The following GDA variants were observed in gnomAD, a reference collection of about 807,000 sequenced individuals.
The protein encoded by GDA is guanine deaminase.
Under a neutral mutation model 59.6 loss-of-function variants are expected in GDA, and 18 were observed. That is an observed-to-expected ratio of 0.30 (90% confidence interval 0.21 to 0.45). The LOEUF is 0.45. Ranked by LOEUF, GDA falls within the 20% of genes least tolerant of loss-of-function variation. GDA has a pLI of 1.00. For synonymous variants in GDA, 201 were observed against 201.1 expected (o/e 1.00, Z 0.00); for missense variants, 427 against 552.3 (o/e 0.77, Z 2.27).
chr9:72,219,579 T>C (rs1836596365), intron 6 of GDA, 73 bp downstream of exon 6: 1 of 1,080,522 alleles, frequency 9.3e-7, no homozygotes, highest in Non-Finnish European at 1.4e-6. Context: ...AGTTGCTTGA[T>C]AGTGATTAGT....
At chr9:72,232,469 T>G (rs886900459) in intron 10 of GDA, among the ~76,000 whole-genome samples, 3 of 152,226 alleles carry the variant, frequency 2.0e-5, no homozygotes, top group African/African-American at 7.2e-5. Context: ...TCATCAAGAT[T>G]GTGATAATTC....
At chr9:72,121,490 G>A (rs1825659268) in intron 1 of GDA, among the ~76,000 whole-genome samples, 1 of 152,078 alleles carries the variant, frequency 6.6e-6, no homozygotes, top group African/African-American at 2.4e-5. Flanking sequence ...CCAGCTACTC[G>A]GGAGGCTGAG....
chr9:72,236,578 C>T (rs1455291181), intron 10 of GDA, among the ~76,000 whole-genome samples: 1 of 152,146 alleles, frequency 6.6e-6, no homozygotes, highest in Non-Finnish European at 1.5e-5. Flanking sequence ...CAAAACCCTT[C>T]TTCCAATCAA....
intron 8 of GDA, among the ~76,000 whole-genome samples, chr9:72,226,329 ATGTT>A (rs1199137957): frequency 6.6e-6 from 1 of 152,180 alleles, no homozygotes; most frequent in Non-Finnish European, 1.5e-5. Context: ...ACAAGGAAGA[ATGTT>A]TGTGTAATAT....
chr9:72,237,390 A>C (rs574390633), intron 10 of GDA, among the ~76,000 whole-genome samples: 143 of 152,296 alleles, frequency 9.4e-4, no homozygotes, highest in African/African-American at 3.3e-3. Context: ...TTGTCCAAGT[A>C]ATCTTATCTT....
chr9:72,242,597 G>A (rs1411145962), intron 11 of GDA, among the ~76,000 whole-genome samples: 1 of 152,184 alleles, frequency 6.6e-6, no homozygotes. Flanking sequence ...AAACTTCTCA[G>A]ATGTTCTCTG....
At chr9:72,222,806 A>G (rs1188876250) in intron 6 of GDA, among the ~76,000 whole-genome samples, 1 of 152,042 alleles carries the variant, frequency 6.6e-6, no homozygotes, top group Non-Finnish European at 1.5e-5. Flanking sequence ...TCCTAGGTTC[A>G]AGCAGTTCCC....
At chr9:72,169,655 C>T (rs141761349) in intron 1 of GDA, among the ~76,000 whole-genome samples, 2 of 152,318 alleles carry the variant, frequency 1.3e-5, no homozygotes, top group African/African-American at 4.8e-5. Flanking sequence ...ATTGCTCTCT[C>T]AAATTGCAGG....
chr9:72,171,928 A>G (rs1830019581), intron 1 of GDA, among the ~76,000 whole-genome samples: 1 of 152,190 alleles, frequency 6.6e-6, no homozygotes, highest in African/African-American at 2.4e-5. Flanking sequence ...TTTTATTCTC[A>G]TTTCACAGGT....
At chr9:72,147,890 G>C (rs989801984), upstream of GDA, among the ~76,000 whole-genome samples, 1 of 152,202 alleles carries the variant, frequency 6.6e-6, no homozygotes, top group Non-Finnish European at 1.5e-5. Flanking sequence ...CTCAGCTGCA[G>C]AGATTCCTAA....
intron 1 of GDA, among the ~76,000 whole-genome samples, chr9:72,134,403 C>CT (rs34514315): frequency 1.8e-3 from 269 of 148,152 alleles, no homozygotes; most frequent in Middle Eastern, 3.5e-3. Context: ...CCCCCGCCAA[C>CT]TTTTTTTTTT....
At chr9:72,142,658 C>A (rs549835404) in intron 1 of GDA, among the ~76,000 whole-genome samples, 10 of 152,178 alleles carry the variant, frequency 6.6e-5, no homozygotes, top group African/African-American at 2.2e-4. Flanking sequence ...AGTAGAATGA[C>A]TTTGCCAAGA....
chr9:72,203,828 T>A (rs911125188), intron 3 of GDA, among the ~76,000 whole-genome samples: 1 of 152,070 alleles, frequency 6.6e-6, no homozygotes, highest in Non-Finnish European at 1.5e-5. Flanking sequence ...TTTTCTTCTT[T>A]TTTTTGGAGA....
chr9:72,149,643 G>A lies in GDA; in HGVS notation c.84G>A (p.Val28=), dbSNP rs768411826. 18 of 1,607,404 alleles carry A rather than the reference G, an allele frequency of 1.1e-5. No individual in the cohort carries two copies. The highest frequency in any genetic ancestry group is 1.7e-5 in the Admixed American group (1 of 59,384). ...VHSTWTCPME[V]LRDHLLGVSD... is the part of the protein sequence containing the mutation. ...CCACCTGGACCTGCCCCATGGAGGT[G>A]CTGCGGGATCACCTCCTCGGCGTGA... The change falls in exon 1 of 14, where the codon GTG becomes GTA. Residue 28 remains valine, a synonymous_variant. Coordinates refer to ENST00000358399, the MANE Select transcript of GDA (RefSeq NM_004293.5).
rs886078171 is a variant in GDA, at chr9:72,208,462, C to T, written c.385-2225C>T. On this transcript the variant is annotated intron_variant, in intron 3 of 13. Transcript: ENST00000358399. ...GTGCTCAGACAGGTCAGGCAATATC[C>T]GTTCCATTTTCTTTCTTGAAGATCT... 9.2e-5 allele frequency among the ~76,000 whole-genome samples: 14 copies of T among 152,264 alleles called. 1 individual carries two copies. The highest frequency in any genetic ancestry group is 6.2e-4 in the South Asian group (3 of 4,822).
In GDA at chr9:72,250,146, A is replaced by C. The variant is rs185053365; in HGVS notation, c.*1804A>C. ...CCATTTCTCTACGGGGCTAGCAAAA[A>C]TCTTCAGCTTTATCACTCAACCCCT... On this transcript the variant is annotated 3_prime_UTR_variant, in exon 14 of 14. Transcript: ENST00000358399. 1.8e-4 allele frequency: 180 copies of C among 985,156 alleles called. 2 individuals carry two copies. The African/African-American group carries it at 3.0e-3, about 16-fold the overall frequency. The allele number at this position is 985,156 out of a possible 1,614,324, so 61.0% of individuals were successfully genotyped here.
chr9:72,149,701 G>C lies in GDA; in HGVS notation c.123+19G>C. 6.9e-6 allele frequency: 11 copies of C among 1,584,168 alleles called. No individual in the cohort carries two copies. Among genetic ancestry groups the C allele is most frequent in the South Asian group, 1.1e-5 (1 of 88,208 alleles). On this transcript the variant is annotated intron_variant, in intron 1 of 13. Coordinates refer to ENST00000358399, the MANE Select transcript of GDA (RefSeq NM_004293.5). ...CGGCAAAGTAAGCAGGCGCGGGGTC[G>C]AGCGCACTCCGACGGGCGGGAGGAT...
At chr9:72,247,374 G>A (rs145950864) in intron 12 of GDA, 32 bp from the exon 13 acceptor site, 13,854 of 1,341,490 alleles carry the variant, frequency 0.01, 110 homozygotes, top group Admixed American at 0.016. Context: ...GCACAAATGA[G>A]TCTTTCTTAT....
upstream of GDA, among the ~76,000 whole-genome samples, chr9:72,145,139 C>G (rs534393513): frequency 1.1e-3 from 168 of 152,202 alleles, 1 homozygote; most frequent in African/African-American, 3.9e-3. Context: ...TTCTACTGAC[C>G]TACGCTGATT....
Sources: gnomAD v4.1 joint callset for allele counts (sites outside exome capture counted in the v4.1 genomes callset) on GRCh38, gnomAD v4.1.1 for gene constraint, MANE v1.5 for transcripts, NCBI Gene and HGNC (gene_info 2026-07-23, HGNC 2026-07-21) for gene names.